The following GPBP1 variants were observed in gnomAD, a reference collection of about 807,000 sequenced individuals.
GPBP1 encodes GC-rich promoter binding protein 1, also known as vasculin.
GPBP1 carries 13 observed loss-of-function variants against 56.5 expected under a neutral mutation model. That is an observed-to-expected ratio of 0.23 (90% confidence interval 0.15 to 0.37). The LOEUF is 0.37. Ranked by LOEUF, GPBP1 falls within the 10% of genes least tolerant of loss-of-function variation. GPBP1 has a pLI of 1.00. For synonymous variants in GPBP1, 204 were observed against 188.9 expected, an observed-to-expected ratio of 1.08 and a Z score of -0.66; for missense variants, 477 against 572.3, an observed-to-expected ratio of 0.83 and a Z score of 1.70.
chr5:57,194,767 C>T (rs189391034), intron 2 of GPBP1, among the ~76,000 whole-genome samples: 2 of 152,244 alleles, frequency 1.3e-5, no homozygotes, highest in East Asian at 3.9e-4. Context: ...TTTTCTGTGC[C>T]TGGGTTATTT....
chr5:57,235,055 C>T (rs934370901), intron 5 of GPBP1, among the ~76,000 whole-genome samples: 2 of 151,992 alleles, frequency 1.3e-5, no homozygotes, highest in East Asian at 3.9e-4. Context: ...TCCTGTAATC[C>T]CAGCACTTTG....
At chr5:57,193,337 G>A (rs1481057086) in intron 2 of GPBP1, among the ~76,000 whole-genome samples, 1 of 151,798 alleles carries the variant, frequency 6.6e-6, no homozygotes, top group Non-Finnish European at 1.5e-5. Context: ...TGCCTAGGCC[G>A]AGTGCCGTGG....
chr5:57,218,730 G>T (rs1431249855), intron 3 of GPBP1, among the ~76,000 whole-genome samples: 3 of 152,178 alleles, frequency 2.0e-5, no homozygotes, highest in African/African-American at 7.2e-5. Context: ...CTCCCAGTGT[G>T]CTGGGATAAC....
intron 8 of GPBP1, chr5:57,248,808 G>A (rs1410592639): frequency 2.0e-5 from 3 of 152,130 alleles, no homozygotes; most frequent in Non-Finnish European, 2.9e-5. Flanking sequence ...GCTAAGATTA[G>A]TTATAATATA....
chr5:57,235,375 C>G (rs529505169), intron 5 of GPBP1, among the ~76,000 whole-genome samples: 16 of 151,198 alleles, frequency 1.1e-4, no homozygotes, highest in African/African-American at 3.4e-4. Flanking sequence ...ATTTCTTAGA[C>G]TGATGCAAAG....
intron 2 of GPBP1, among the ~76,000 whole-genome samples, chr5:57,191,023 G>A (rs964139332): frequency 6.6e-6 from 1 of 151,960 alleles, no homozygotes; most frequent in Admixed American, 6.6e-5. Context: ...TGATCTGCCC[G>A]CCTTGGCCTC....
chr5:57,248,417 C>CTT (rs1741193393), intron 8 of GPBP1, among the ~76,000 whole-genome samples: 1 of 120,694 alleles, frequency 8.3e-6, no homozygotes, highest in South Asian at 2.7e-4. Context: ...CCCTCATATA[C>CTT]TATTTTTTTT....
intron 3 of GPBP1, among the ~76,000 whole-genome samples, chr5:57,217,058 CTATTTT>C (rs1755728214): frequency 6.6e-6 from 1 of 152,136 alleles, no homozygotes; most frequent in African/African-American, 2.4e-5. Context: ...TTAAAATTGT[CTATTTT>C]TAAGATGTGC....
At chr5:57,249,045 C>A (rs1361714792) in intron 8 of GPBP1, 1 of 158,598 alleles carries the variant, frequency 6.3e-6, no homozygotes, top group East Asian at 1.8e-4. Flanking sequence ...TTATAAAATA[C>A]ATTTTATTGG....
Position 57,240,056 on chromosome 5 carries a change from C to T in GPBP1, c.478+4024C>T, listed in dbSNP as rs138480840. 1.6e-3 allele frequency among the ~76,000 whole-genome samples: 242 copies of T among 151,902 alleles called. 2 individuals are homozygous for T. The highest frequency in any genetic ancestry group is 0.014 in the Admixed American group (220 of 15,226). On this transcript the variant is annotated intron_variant, in intron 6 of 11. Coordinates refer to ENST00000506184, the MANE Select transcript of GPBP1 (RefSeq NM_022913.4). ...TGGGGGTATCACTTGGGGCCAGGAG[C>T]TCTCATAGGGAGACCCTTGTCTCTA...
chr5:57,256,127 G>A (rs1317952946), intron 10 of GPBP1, among the ~76,000 whole-genome samples: 1 of 152,098 alleles, frequency 6.6e-6, no homozygotes, highest in East Asian at 1.9e-4. Flanking sequence ...GTGGTGGCGT[G>A]TTCCTGTATT....
chr5:57,219,420 A>AC (rs1408743130), intron 3 of GPBP1, among the ~76,000 whole-genome samples: 1 of 19,052 alleles, frequency 5.2e-5, no homozygotes, highest in African/African-American at 3.8e-4. Flanking sequence ...ACAAACAAAC[A>AC]AAAAAAAAAA....
intron 3 of GPBP1, among the ~76,000 whole-genome samples, chr5:57,219,416 AAAC>A (rs751125114): frequency 0.16 from 10,876 of 68,782 alleles, 1,865 homozygotes; most frequent in Non-Finnish European, 0.18. Flanking sequence ...AAAAACAAAC[AAAC>A]AAAAAAAAAA....
chr5:57,228,903 A>G (rs1191493214), intron 3 of GPBP1, among the ~76,000 whole-genome samples: 3 of 151,990 alleles, frequency 2.0e-5, no homozygotes, highest in Admixed American at 1.3e-4. Context: ...AAGCAAGCAT[A>G]TATGTATGTG....
At chr5:57,231,887 A>C (rs1756476243) in intron 5 of GPBP1, among the ~76,000 whole-genome samples, 1 of 152,220 alleles carries the variant, frequency 6.6e-6, no homozygotes, top group Non-Finnish European at 1.5e-5. Context: ...ACAGGAAGTG[A>C]CATTTAATTT....
At chr5:57,253,111 A>G (rs1461422606) in intron 10 of GPBP1, among the ~76,000 whole-genome samples, 1 of 152,178 alleles carries the variant, frequency 6.6e-6, no homozygotes, top group East Asian at 1.9e-4. Context: ...ATTGAAGAGT[A>G]TTCATATCTA....
At chr5:57,190,161 A>G (rs1454811093) in intron 2 of GPBP1, among the ~76,000 whole-genome samples, 2 of 132,956 alleles carry the variant, frequency 1.5e-5, no homozygotes, top group African/African-American at 5.1e-5. Context: ...ATTTAGCCTT[A>G]CTTTTTTTTA....
At chr5:57,213,983 A>T (rs988937730) in intron 2 of GPBP1, 91 bp from the exon 3 acceptor site, 2 of 618,288 alleles carry the variant, frequency 3.2e-6, no homozygotes, top group East Asian at 2.8e-5. Context: ...ATAGAATCCT[A>T]TAGTAGTAAG....
chr5:57,185,002 T>TA (rs911781986), intron 2 of GPBP1, among the ~76,000 whole-genome samples: 1 of 152,240 alleles, frequency 6.6e-6, no homozygotes, highest in African/African-American at 2.4e-5. Context: ...TGTGTGGTTA[T>TA]ACCACAATTT....
Sources: allele counts gnomAD v4.1 joint callset (sites outside exome capture counted in the v4.1 genomes callset), GRCh38; gene constraint gnomAD v4.1.1; transcripts MANE v1.5; gene names NCBI Gene and HGNC (gene_info 2026-07-23, HGNC 2026-07-21).